Variants in SYT1 observed in about 807,000 individuals in gnomAD.
The protein encoded by SYT1 is synaptotagmin 1.
Under a neutral mutation model 44.8 loss-of-function variants are expected in SYT1, and 8 were observed. The ratio of observed to expected loss-of-function variants is 0.18; its 90% CI spans 0.10 to 0.32. The LOEUF is 0.32. Among genes scored for constraint, SYT1 ranks in the 10% least tolerant of loss-of-function variants. The pLI is 1.00. For synonymous variants in SYT1, 154 were observed against 188.8 expected (o/e 0.82, Z 1.51); for missense variants, 286 against 509.3 (o/e 0.56, Z 4.22).
At chr12:79,234,628 CA>C (rs1008789948) in intron 4 of SYT1, among the ~76,000 whole-genome samples, 52 of 152,028 alleles carry the variant, frequency 3.4e-4, no homozygotes, top group African/African-American at 1.2e-3. Flanking sequence ...AATGGATATC[CA>C]TGAGTTGCTT....
chr12:79,172,043 A>G (rs1279510540), intron 3 of SYT1, among the ~76,000 whole-genome samples: 1 of 151,916 alleles, frequency 6.6e-6, no homozygotes, highest in Non-Finnish European at 1.5e-5. Flanking sequence ...TTAATTATTT[A>G]TTTAATGACA....
rs1565842178 is a variant in SYT1 at position 79,179,431 on chromosome 12, G to GATATAGATATATCT, written c.-17-38067_-17-38066insGATATATCTATATA. On this transcript the variant is annotated intron_variant, in intron 3 of 10. Coordinates refer to ENST00000261205, the MANE Select transcript of SYT1 (RefSeq NM_005639.3). ...ATATAGATATAGATATATCTATATAGATATATCCATATAGATATAGATATA... is the reference window on the plus strand; with the variant it reads ...ATATAGATATAGATATATCTATATAGATATAGATATATCTATATATCCATATAGATATAGATATA... Among the ~76,000 whole-genome samples, 48 of 7,216 alleles carry GATATAGATATATCT rather than the reference G, an allele frequency of 6.7e-3. 12 individuals are homozygous for GATATAGATATATCT. The highest frequency in any genetic ancestry group is 0.025 in the African/African-American group (46 of 1,816). The allele number at this position is 7,216 out of a possible 152,430, so 4.7% of individuals were successfully genotyped here.
intron 9 of SYT1, among the ~76,000 whole-genome samples, chr12:79,400,390 C>A (rs1885027656): frequency 1.3e-5 from 2 of 152,240 alleles, no homozygotes; most frequent in South Asian, 2.1e-4. Context: ...CTACTGCCTG[C>A]AAAATTAAGT....
intron 9 of SYT1, among the ~76,000 whole-genome samples, chr12:79,422,324 GC>G (rs1266721993): frequency 2.0e-5 from 3 of 151,848 alleles, no homozygotes; most frequent in African/African-American, 7.3e-5. Flanking sequence ...TCTTTCTTTT[GC>G]ATGCTATGTT....
At chr12:79,422,827 C>G (rs1343257561) in intron 9 of SYT1, among the ~76,000 whole-genome samples, 1 of 152,052 alleles carries the variant, frequency 6.6e-6, no homozygotes, top group African/African-American at 2.4e-5. Flanking sequence ...CTCTCCTTTG[C>G]AAGGCACATT....
intron 3 of SYT1, among the ~76,000 whole-genome samples, chr12:79,056,077 G>T (rs933793587): frequency 6.6e-5 from 10 of 152,060 alleles, no homozygotes; most frequent in African/African-American, 2.4e-4. Flanking sequence ...AAACCATACA[G>T]CCTAGGTGTG....
chr12:78,916,167 T>C (rs12321276), intron 1 of SYT1, among the ~76,000 whole-genome samples: 1,616 of 152,184 alleles, frequency 0.011, 35 homozygotes, highest in African/African-American at 0.037. Flanking sequence ...TTAAGCTCTG[T>C]GGTTGAACCT....
intron 3 of SYT1, among the ~76,000 whole-genome samples, chr12:79,164,211 A>G (rs1446075056): frequency 6.6e-6 from 1 of 152,128 alleles, no homozygotes; most frequent in Admixed American, 6.6e-5. Flanking sequence ...GTGCTTTACC[A>G]TCGGGGATAA....
At chr12:79,262,166 G>A (rs1268467031) in intron 4 of SYT1, among the ~76,000 whole-genome samples, 4 of 152,074 alleles carry the variant, frequency 2.6e-5, no homozygotes, top group Non-Finnish European at 5.9e-5. Context: ...TTATAATTCT[G>A]GTCAGTTGTA....
intron 9 of SYT1, among the ~76,000 whole-genome samples, chr12:79,356,823 C>G (rs1260642628): frequency 6.6e-6 from 1 of 152,052 alleles, no homozygotes; most frequent in Non-Finnish European, 1.5e-5. Context: ...AAGCACAGGG[C>G]CTGGCACAAC....
At chr12:79,231,526 T>C (rs778504158) in intron 4 of SYT1, among the ~76,000 whole-genome samples, 1 of 151,996 alleles carries the variant, frequency 6.6e-6, no homozygotes, top group Non-Finnish European at 1.5e-5. Flanking sequence ...CAACGAATAA[T>C]AGAAATATAT....
intron 1 of SYT1, among the ~76,000 whole-genome samples, chr12:78,930,825 T>G (rs1877591962): frequency 6.6e-6 from 1 of 152,010 alleles, no homozygotes; most frequent in Admixed American, 6.6e-5. Context: ...TTGTGCCAAT[T>G]GCTTTTCTTC....
chr12:78,865,265 C>T (rs1873475536), intron 1 of SYT1, among the ~76,000 whole-genome samples, 156 bp downstream of exon 1: 1 of 152,152 alleles, frequency 6.6e-6, no homozygotes, highest in Non-Finnish European at 1.5e-5. Context: ...AAATATGAGA[C>T]TACATGTGCA....
chr12:78,881,360 A>G (rs745767299), intron 1 of SYT1, among the ~76,000 whole-genome samples: 4 of 151,706 alleles, frequency 2.6e-5, no homozygotes, highest in Non-Finnish European at 5.9e-5. Flanking sequence ...TACTCTCAGC[A>G]TATTTCCAGC....
intron 3 of SYT1, among the ~76,000 whole-genome samples, chr12:79,203,409 T>C (rs1228314050): frequency 6.6e-6 from 1 of 152,166 alleles, no homozygotes; most frequent in African/African-American, 2.4e-5. Flanking sequence ...GCAAAGGAGA[T>C]ACTGCTTCCT....
intron 1 of SYT1, among the ~76,000 whole-genome samples, chr12:78,902,125 A>T (rs994757514): frequency 1.3e-5 from 2 of 152,000 alleles, no homozygotes; most frequent in Non-Finnish European, 2.9e-5. Context: ...ACCATGGCAC[A>T]TGTATACCTA....
chr12:78,963,024 A>G (rs1879593300), intron 1 of SYT1, among the ~76,000 whole-genome samples: 1 of 151,982 alleles, frequency 6.6e-6, no homozygotes, highest in South Asian at 2.1e-4. Context: ...GAGTTTGACT[A>G]TTTTACCTGT....
chr12:78,929,813 G>A (rs559044967), intron 1 of SYT1, among the ~76,000 whole-genome samples: 3 of 152,128 alleles, frequency 2.0e-5, no homozygotes, highest in Non-Finnish European at 4.4e-5. Flanking sequence ...AGCAAGATAC[G>A]TCTTCTGGTT....
At chr12:79,269,590 G>C (rs1393044895) in intron 4 of SYT1, among the ~76,000 whole-genome samples, 1 of 152,130 alleles carries the variant, frequency 6.6e-6, no homozygotes, top group Non-Finnish European at 1.5e-5. Flanking sequence ...GTCTTGCCTT[G>C]ATGCTCTGAG....
Sources: allele counts gnomAD v4.1 joint callset (sites outside exome capture counted in the v4.1 genomes callset), GRCh38; gene constraint gnomAD v4.1.1; transcripts MANE v1.5; gene names NCBI Gene and HGNC (gene_info 2026-07-23, HGNC 2026-07-21).